Variants in ITGA6 observed in about 807,000 individuals in gnomAD.
ITGA6 encodes integrin subunit alpha 6, also known as integrin alpha-6.
In ITGA6, 63 loss-of-function variants were observed where a neutral mutation model predicts 133.6. The ratio of observed to expected loss-of-function variants is 0.47; its 90% confidence interval spans 0.38 to 0.58. The LOEUF (loss-of-function observed/expected upper bound fraction) is 0.58. Among genes scored for constraint, ITGA6 ranks in the 20% least tolerant of loss-of-function variants. The pLI is 0.00. For synonymous variants in ITGA6, 434 were observed against 482.0 expected (o/e 0.90, Z 1.30); for missense variants, 1,068 against 1,309.4 (o/e 0.82, Z 2.85).
At chr2:172,467,443 G>A in intron 2 of ITGA6, 38 bp from the exon 3 acceptor site, 1 of 1,495,814 alleles carries the variant, frequency 6.7e-7, no homozygotes, top group Non-Finnish European at 9.3e-7. Flanking sequence ...TCTAGCATGT[G>A]CAGTCACTTG....
At chr2:172,497,364 G>A (rs532236587) in intron 23 of ITGA6, among the ~76,000 whole-genome samples, 2 of 152,176 alleles carry the variant, frequency 1.3e-5, no homozygotes, top group South Asian at 4.2e-4. Flanking sequence ...TGTGAGTGGT[G>A]GCATGCGCCT....
intron 11 of ITGA6, among the ~76,000 whole-genome samples, chr2:172,484,345 T>C (rs1686572626): frequency 1.3e-5 from 2 of 151,408 alleles, no homozygotes; most frequent in African/African-American, 2.4e-5. Flanking sequence ...GCTGCTGTTC[T>C]AGAGATCTTT....
chr2:172,435,494 C>T (rs10175670), intron 1 of ITGA6, among the ~76,000 whole-genome samples: 25,955 of 151,904 alleles, frequency 0.17, 2,855 homozygotes, highest in East Asian at 0.52. Context: ...CTACAAGGCT[C>T]CAGAGAGATT....
chr2:172,483,019 C>T (rs1273906359), intron 11 of ITGA6, among the ~76,000 whole-genome samples: 1 of 152,138 alleles, frequency 6.6e-6, no homozygotes, highest in Non-Finnish European at 1.5e-5. Context: ...GGCTTTGCCC[C>T]ACTGTGGGAG....
chr2:172,485,233 A>G lies in ITGA6; in HGVS notation c.1823A>G (p.Asn608Ser), dbSNP rs1409450419. 1.2e-6 allele frequency: 2 copies of G among 1,614,164 alleles called. No homozygotes were observed. The highest frequency in any genetic ancestry group is 1.7e-6 in the Non-Finnish European group (2 of 1,180,004). The change falls in exon 13 of 26, where the codon AAT becomes AGT. Residue 608 changes from asparagine (N) to serine (S), a missense_variant. Asn to Ser is a conservative substitution (Grantham distance 46). Transcript: ENST00000684293. ...CTTCCAGAAGTTCTTCCAATTCTGAATTCAGATGAACCCAAGACAGCTCAT... is the reference window on the plus strand; with the variant it reads ...CTTCCAGAAGTTCTTCCAATTCTGAGTTCAGATGAACCCAAGACAGCTCAT... Reference protein sequence around the residue: ...NSLPEVLPILNSDEPKTAHID... With the variant: ...NSLPEVLPILSSDEPKTAHID...
chr2:172,472,127 G>A (rs754772809), intron 5 of ITGA6, among the ~76,000 whole-genome samples: 3 of 152,230 alleles, frequency 2.0e-5, no homozygotes, highest in Admixed American at 6.5e-5. Context: ...TTCAAGACCA[G>A]CCTGGCCAAT....
intron 1 of ITGA6, among the ~76,000 whole-genome samples, chr2:172,452,235 G>C (rs1256703728): frequency 6.6e-6 from 1 of 152,184 alleles, no homozygotes; most frequent in African/African-American, 2.4e-5. Context: ...CATGCGACCT[G>C]TGAGGCTCCC....
chr2:172,436,607 G>A (rs1684330792), intron 1 of ITGA6, among the ~76,000 whole-genome samples: 1 of 152,170 alleles, frequency 6.6e-6, no homozygotes, highest in South Asian at 2.1e-4. Flanking sequence ...CTCTGTGTGT[G>A]TACATGTTTT....
At position 172,485,414 on chromosome 2, in the gene ITGA6, A is replaced by G. The variant is rs1254263249; in HGVS notation, c.1854+150A>G. ...TTTAATGTACGCAAAGTTAGAGAAG[A>G]CTTGTTTCCCAAATTAGCAATAAAC... On this transcript the variant is annotated intron_variant, in intron 13 of 25. Coordinates refer to ENST00000684293, the MANE Select transcript of ITGA6 (RefSeq NM_000210.4). 4 of 755,926 alleles carry G rather than the reference A, an allele frequency of 5.3e-6. No homozygotes were observed. In the East Asian group the frequency reaches 1.0e-4, roughly 19 times the overall value. 46.8% of individuals were successfully genotyped at this position (755,926 alleles called of 1,614,324 possible).
At chr2:172,482,558 A>G (rs1227331279) in intron 11 of ITGA6, among the ~76,000 whole-genome samples, 1 of 152,098 alleles carries the variant, frequency 6.6e-6, no homozygotes, top group Non-Finnish European at 1.5e-5. Flanking sequence ...GGGTTAGGGA[A>G]GGTTAGAGTG....
rs1472397449 is a variant in ITGA6, at chr2:172,485,212, C to T, written c.1802C>T (p.Pro601Leu). Residue 601 changes from proline (P) to leucine (L), a missense_variant, in exon 13 of 26, where the codon CCA (proline) becomes CTA (leucine). Pro to Leu is a moderately conservative substitution (Grantham distance 98, BLOSUM62 -3). Around this residue, in one of 3 missense-constraint regions of ITGA6, gnomAD observed 609 missense variants for 707.2 expected, o/e 0.86. Coordinates refer to ENST00000684293, the MANE Select transcript of ITGA6 (RefSeq NM_000210.4). ...PSSRRRVNSLPEVLPILNSDE... is the reference protein window; with the variant it reads ...PSSRRRVNSLLEVLPILNSDE... Reference sequence around the variant, plus strand: ...TCTCGTAGGCGAGTGAATTCACTTCCAGAAGTTCTTCCAATTCTGAATTCA... The same window carrying T: ...TCTCGTAGGCGAGTGAATTCACTTCTAGAAGTTCTTCCAATTCTGAATTCA... The T allele has an allele frequency of 6.2e-7, 1 of 1,613,964 alleles. No individual in the cohort carries two copies. Among genetic ancestry groups the T allele is most frequent in the South Asian group, 1.1e-5 (1 of 91,076 alleles).
chr2:172,458,384 T>C (rs2737081), intron 1 of ITGA6, among the ~76,000 whole-genome samples: 149,708 of 152,088 alleles, frequency 0.98, 73,718 homozygotes, highest in Middle Eastern at 1. Flanking sequence ...GGATTACAGG[T>C]GTGAGCCACC....
At chr2:172,501,069 A>C (rs1687329984) in intron 24 of ITGA6, among the ~76,000 whole-genome samples, 1 of 152,200 alleles carries the variant, frequency 6.6e-6, no homozygotes, top group South Asian at 2.1e-4. Flanking sequence ...AAAGTTCTCT[A>C]TCACTGAACG....
At chr2:172,476,095 T>C (rs1686162631) in intron 8 of ITGA6, among the ~76,000 whole-genome samples, 1 of 152,138 alleles carries the variant, frequency 6.6e-6, no homozygotes, top group African/African-American at 2.4e-5. Flanking sequence ...AAATAAGACT[T>C]GTAGGGAAGG....
At chr2:172,449,935 A>G (rs1684916661) in intron 1 of ITGA6, among the ~76,000 whole-genome samples, 2 of 151,548 alleles carry the variant, frequency 1.3e-5, no homozygotes, top group South Asian at 4.2e-4. Flanking sequence ...AAAAAAAAAA[A>G]AAAAAAAAGA....
intron 4 of ITGA6, among the ~76,000 whole-genome samples, chr2:172,470,227 T>A (rs756726809): frequency 6.6e-5 from 10 of 152,194 alleles, no homozygotes; most frequent in South Asian, 2.1e-4. Flanking sequence ...CTGTGTGCAA[T>A]CTTCAAGGGT....
rs1432462993 is a variant in ITGA6, at chr2:172,504,282, T to G, written c.*214T>G. 6.7e-7 allele frequency: 1 copy of G among 1,484,820 alleles called. No homozygotes were observed. 92.0% of individuals were successfully genotyped at this position (1,484,820 alleles called of 1,614,324 possible). ...GGCCTAAAAAAAAAAAGCTTCACAG[T>G]ACCCAAACTGCTTTTTCCAACTCAG... is the stretch of plus-strand genomic sequence containing the variant. On this transcript the variant is annotated 3_prime_UTR_variant, in exon 26 of 26. Transcript: ENST00000684293.
intron 5 of ITGA6, 124 bp downstream of exon 5, chr2:172,471,229 T>C (rs967415875): frequency 7.4e-6 from 8 of 1,083,178 alleles, no homozygotes; most frequent in Non-Finnish European, 9.6e-6. Flanking sequence ...GCCGGGCCAC[T>C]TTTGCTGGAA....
chr2:172,482,584 C>T (rs185325283), intron 11 of ITGA6, among the ~76,000 whole-genome samples: 48 of 152,150 alleles, frequency 3.2e-4, no homozygotes, highest in Admixed American at 2.7e-3. Context: ...GGCAGATAAA[C>T]GGTTTTCCTG....
Sources: gnomAD v4.1 joint callset for allele counts (sites outside exome capture counted in the v4.1 genomes callset) on GRCh38, gnomAD v4.1.1 for gene constraint, gnomAD v4.1.1 regional missense constraint, MANE v1.5 for transcripts, NCBI Gene and HGNC (gene_info 2026-07-23, HGNC 2026-07-21) for gene names.